Variants in DOCK7 observed in about 807,000 individuals in gnomAD.
DOCK7 encodes the protein dedicator of cytokinesis protein 7.
In DOCK7, 138 loss-of-function variants were observed where a neutral mutation model predicts 271.0. The ratio of observed to expected loss-of-function variants is 0.51; its 90% CI spans 0.44 to 0.59. DOCK7 has a LOEUF of 0.59. DOCK7 is among the 20% of genes least tolerant of loss of function. The probability of loss-of-function intolerance (pLI) is 0.00; values close to 1 mark genes in which losing one functional copy is unlikely to be tolerated. For missense variants in DOCK7, 2,066 were observed against 2,592.4 expected (o/e 0.80, Z 4.41); for synonymous variants, 823 against 876.1 (o/e 0.94, Z 1.07).
chr1:62,480,336 T>C (rs1646084645), intron 43 of DOCK7, among the ~76,000 whole-genome samples: 1 of 152,184 alleles, frequency 6.6e-6, no homozygotes, highest in African/African-American at 2.4e-5. Flanking sequence ...CTCATGACAT[T>C]CGGTTCAAGG....
chr1:62,499,310 G>A (rs1406338375), intron 37 of DOCK7, among the ~76,000 whole-genome samples: 1 of 151,936 alleles, frequency 6.6e-6, no homozygotes, highest in Non-Finnish European at 1.5e-5. Flanking sequence ...TTCCCTTCCA[G>A]TAAAAAAAGG....
At chr1:62,604,406 G>C in intron 14 of DOCK7, 1 of 920,250 alleles carries the variant, frequency 1.1e-6, no homozygotes, top group Non-Finnish European at 1.6e-6. Context: ...AGTTCAATCA[G>C]GTATTTTACC....
intron 48 of DOCK7, chr1:62,458,116 A>C (rs1249890059): frequency 5.3e-6 from 1 of 187,000 alleles, no homozygotes. Context: ...GTACCACTGC[A>C]ATCCAGCCAG....
intron 2 of DOCK7, among the ~76,000 whole-genome samples, chr1:62,662,580 G>T (rs1361859012): frequency 3.9e-5 from 6 of 152,054 alleles, no homozygotes; most frequent in Admixed American, 3.9e-4. Context: ...GGCCAATATG[G>T]TAAAACCTCA....
At chr1:62,567,375 G>T (rs1005301118) in intron 18 of DOCK7, among the ~76,000 whole-genome samples, 1 of 152,114 alleles carries the variant, frequency 6.6e-6, no homozygotes, top group African/African-American at 2.4e-5. Context: ...CCATAAAAAA[G>T]GATGAGTTCA....
rs1036877797 is a variant in DOCK7, at chr1:62,528,060, G to C, written c.3936+91C>G. ...AATAAAACTGAGCACTTTTGCATCAGCTGATACAATCATCTCATATATTTA... is the reference window on the plus strand; with the variant it reads ...AATAAAACTGAGCACTTTTGCATCACCTGATACAATCATCTCATATATTTA... On this transcript the variant is annotated intron_variant, in intron 31 of 49. Coordinates refer to ENST00000635253, the MANE Select transcript of DOCK7 (RefSeq NM_001367561.1). 9 of 1,315,356 alleles carry C rather than the reference G, an allele frequency of 6.8e-6. No homozygotes were observed. In the Admixed American group the frequency reaches 2.4e-4, roughly 35 times the overall value. 81.5% of individuals were successfully genotyped at this position (1,315,356 alleles called of 1,614,324 possible). A position where few individuals can be genotyped will look rare whatever the true frequency, so the allele number is the denominator to read the frequency against.
At chr1:62,648,581 C>A (rs1442414707) in intron 4 of DOCK7, 37 bp from the exon 5 acceptor site, 1 of 1,142,210 alleles carries the variant, frequency 8.8e-7, no homozygotes, top group Non-Finnish European at 1.2e-6. Flanking sequence ...TATCAACTAT[C>A]AAACTTAGGA....
In DOCK7 at chr1:62,475,204, T is replaced by C; in HGVS notation, c.6105+4A>G. ...ATCACACAGTGCTAGCAAAAAGCAC[T>C]AACCTGATTCACTGTGGTGCCTACA... On this transcript the variant is annotated splice_donor_region_variant and intron_variant, in intron 47 of 49. Coordinates refer to ENST00000635253, the MANE Select transcript of DOCK7 (RefSeq NM_001367561.1). The C allele has an allele frequency of 6.2e-7, 1 of 1,612,706 alleles. No homozygotes were observed. The highest frequency in any genetic ancestry group is 8.5e-7 in the Non-Finnish European group (1 of 1,179,458).
intron 31 of DOCK7, among the ~76,000 whole-genome samples, chr1:62,523,316 C>CT (rs1479579465): frequency 6.6e-6 from 1 of 152,014 alleles, no homozygotes; most frequent in Non-Finnish European, 1.5e-5. Flanking sequence ...GGAAAATATT[C>CT]TTTTAATAAA....
At position 62,665,143 on chromosome 1, in the gene DOCK7, C is replaced by G. The variant is rs562470164; in HGVS notation, c.39-2013G>C. ...CTGGAATTACAGGCATGCACCACCA[C>G]GCCTAGCTAATTTTTTTGTATTTTT... On this transcript the variant is annotated intron_variant, in intron 1 of 49. Transcript: ENST00000635253. Among the ~76,000 whole-genome samples, 8 of 152,186 alleles carry G rather than the reference C, an allele frequency of 5.3e-5. No homozygotes were observed. In the South Asian group the frequency reaches 1.7e-3, roughly 32 times the overall value.
At chr1:62,674,746 A>G (rs1345021863) in intron 1 of DOCK7, among the ~76,000 whole-genome samples, 1 of 152,200 alleles carries the variant, frequency 6.6e-6, no homozygotes, top group Non-Finnish European at 1.5e-5. Context: ...ACAATTGAAC[A>G]CCCACACACT....
At chr1:62,673,611 T>G (rs1322786091) in intron 1 of DOCK7, among the ~76,000 whole-genome samples, 2 of 152,210 alleles carry the variant, frequency 1.3e-5, no homozygotes, top group African/African-American at 4.8e-5. Context: ...AAATTTATCT[T>G]AAATTCCACC....
At chr1:62,541,543 T>C (rs887615132) in intron 25 of DOCK7, among the ~76,000 whole-genome samples, 78 of 152,326 alleles carry the variant, frequency 5.1e-4, no homozygotes, top group Non-Finnish European at 8.7e-4. Context: ...GATGATCCAC[T>C]TCCAATTAAT....
intron 14 of DOCK7, among the ~76,000 whole-genome samples, chr1:62,602,057 C>G (rs1420974943): frequency 6.6e-6 from 1 of 151,340 alleles, no homozygotes; most frequent in Non-Finnish European, 1.5e-5. Context: ...TCTCCTTTTC[C>G]TCTAAAATAA....
At chr1:62,619,731 A>G (rs952763093) in intron 13 of DOCK7, among the ~76,000 whole-genome samples, 169 bp downstream of exon 13, 25 of 152,258 alleles carry the variant, frequency 1.6e-4, no homozygotes, top group African/African-American at 6.0e-4. Context: ...CCTGCATCCA[A>G]ACTGTCAGAT....
chr1:62,633,686 AT>A (rs1654903376), intron 9 of DOCK7, 108 bp from the exon 10 acceptor site: 1 of 716,728 alleles, frequency 1.4e-6, no homozygotes, highest in South Asian at 1.8e-5. Flanking sequence ...ACAGAAAAAA[AT>A]ATATGACATC....
intron 1 of DOCK7, among the ~76,000 whole-genome samples, chr1:62,667,289 CTA>C (rs1475499608): frequency 1.3e-5 from 2 of 151,940 alleles, no homozygotes; most frequent in South Asian, 2.1e-4. Flanking sequence ...CTGGAATGTA[CTA>C]TGTTAAATAA....
At chr1:62,672,259 T>TAC (rs1660099701) in intron 1 of DOCK7, among the ~76,000 whole-genome samples, 1 of 152,188 alleles carries the variant, frequency 6.6e-6, no homozygotes, top group Non-Finnish European at 1.5e-5. Context: ...CTTGATACCT[T>TAC]ACATTATACA....
intron 48 of DOCK7, among the ~76,000 whole-genome samples, chr1:62,465,820 G>A (rs1177466248): frequency 6.6e-6 from 1 of 152,154 alleles, no homozygotes; most frequent in African/African-American, 2.4e-5. Flanking sequence ...AAAGTGCTGG[G>A]ATTACAGGTG....
Sources: allele counts gnomAD v4.1 joint callset (sites outside exome capture counted in the v4.1 genomes callset), GRCh38; gene constraint gnomAD v4.1.1; transcripts MANE v1.5; gene names NCBI Gene and HGNC (gene_info 2026-07-23, HGNC 2026-07-21).